Variants in PREP observed in about 807,000 individuals in gnomAD.
The protein encoded by PREP is dJ355L5.1 (prolyl endopeptidase).
Under a neutral mutation model 87.6 loss-of-function variants are expected in PREP, and 29 were observed. The ratio of observed to expected loss-of-function variants is 0.33; its 90% CI spans 0.25 to 0.45. The LOEUF (loss-of-function observed/expected upper bound fraction) is 0.45. Among genes scored for constraint, PREP ranks in the 20% least tolerant of loss-of-function variants. PREP has a pLI of 1.00. For missense variants in PREP, 695 were observed against 886.5 expected, an observed-to-expected ratio of 0.78 and a Z score of 2.74; for synonymous variants, 337 against 328.6, an observed-to-expected ratio of 1.03 and a Z score of -0.28.
intron 2 of PREP, among the ~76,000 whole-genome samples, chr6:105,393,487 C>G (rs527574036): frequency 1.3e-5 from 2 of 152,026 alleles, no homozygotes; most frequent in Non-Finnish European, 2.9e-5. Context: ...TCAGACTGTA[C>G]AAGGCAACAC....
At chr6:105,323,351 C>T (rs543035877) in intron 10 of PREP, among the ~76,000 whole-genome samples, 1 of 152,156 alleles carries the variant, frequency 6.6e-6, no homozygotes, top group South Asian at 2.1e-4. Context: ...TGAGCTAGAA[C>T]ACAAACCATA....
intron 2 of PREP, among the ~76,000 whole-genome samples, chr6:105,390,596 CT>C (rs944381433): frequency 6.6e-6 from 1 of 152,172 alleles, no homozygotes; most frequent in Non-Finnish European, 1.5e-5. Flanking sequence ...GTAAATTTTT[CT>C]TTTGTGTATT....
At chr6:105,381,069 T>A (rs1772824454) in intron 2 of PREP, among the ~76,000 whole-genome samples, 1 of 152,236 alleles carries the variant, frequency 6.6e-6, no homozygotes, top group African/African-American at 2.4e-5. Context: ...GGCATAAAAA[T>A]GCTACCAAAT....
At position 105,323,694 on chromosome 6, in the gene PREP, T is replaced by A; in HGVS notation, c.1288A>T (p.Ile430Phe). Residue 430 changes from isoleucine to phenylalanine, a missense_variant, in exon 10 of 15, where the codon ATT (isoleucine) becomes TTT (phenylalanine). This residue lies in a region of PREP where 517 missense variants were observed against 620.3 expected (regional missense o/e 0.83). Coordinates refer to ENST00000652536, the MANE Select transcript of PREP (RefSeq NM_002726.5). ...ACTGTCTGGTAATCAGAAGCATCAATTCCTTTTACGGTCACCTCTCGGAAA... is the reference window on the plus strand; with the variant it reads ...ACTGTCTGGTAATCAGAAGCATCAAATCCTTTTACGGTCACCTCTCGGAAA... The part of the protein sequence containing the change: ...RVFREVTVKG[I>F]DASDYQTVQI... 6.2e-7 allele frequency: 1 copy of A among 1,612,912 alleles called. No individual in the cohort carries two copies. The highest frequency in any genetic ancestry group is 1.7e-5 in the Admixed American group (1 of 60,022).
intron 2 of PREP, among the ~76,000 whole-genome samples, chr6:105,381,875 T>G (rs1226108142): frequency 6.6e-6 from 1 of 152,178 alleles, no homozygotes; most frequent in Non-Finnish European, 1.5e-5. Flanking sequence ...AGCTGTCATG[T>G]GAAGTGTTCG....
intron 9 of PREP, among the ~76,000 whole-genome samples, chr6:105,328,404 C>T (rs537343955): frequency 3.3e-5 from 5 of 151,972 alleles, no homozygotes; most frequent in South Asian, 2.1e-4. Context: ...ACTATAGGCA[C>T]GCGCCACCAT....
Position 105,353,502 on chromosome 6 carries a change from G to A in PREP, c.718-425C>T, listed in dbSNP as rs557045000. 2.0e-5 allele frequency among the ~76,000 whole-genome samples: 3 copies of A among 152,078 alleles called. No homozygotes were observed. The South Asian group carries it at 6.2e-4, about 32-fold the overall frequency. ...TTAGCAAAATGGGGCCGGGCGCAGTGGTTCACGCCTGTAATCCCAGCACTT... is the reference window on the plus strand; with the variant it reads ...TTAGCAAAATGGGGCCGGGCGCAGTAGTTCACGCCTGTAATCCCAGCACTT... On this transcript the variant is annotated intron_variant, in intron 6 of 14. Transcript: ENST00000652536.
At chr6:105,329,155 ATT>A (rs11345908) in intron 8 of PREP, 129 bp from the exon 9 acceptor site, 19,435 of 697,562 alleles carry the variant, frequency 0.028, 47 homozygotes, top group African/African-American at 0.054. Context: ...TCACTTTTAC[ATT>A]TTTTTTTTTT....
rs147103031 is a variant in PREP, at chr6:105,281,892, T to C, written c.1692A>G (p.Ala564=). 1.2e-4 allele frequency: 198 copies of C among 1,613,512 alleles called. No homozygotes were observed. In the African/African-American group the frequency reaches 2.4e-3, roughly 20 times the overall value. The part of the protein sequence containing the change: ...SNGGLLVAAC[A]NQRPDLFGCV... ...AACCAAAGAGGTCAGGTCTCTGATT[T>C]GCACAAGCAGCTAAAAGCCCAACGT... is the stretch of plus-strand genomic sequence containing the variant. The change falls in exon 14 of 15, where the codon GCA becomes GCG. Residue 564 remains alanine (A), a synonymous_variant. Transcript: ENST00000652536.
At chr6:105,285,351 T>C in intron 12 of PREP, 135 bp downstream of exon 12, 3 of 717,442 alleles carry the variant, frequency 4.2e-6, no homozygotes, top group Non-Finnish European at 6.9e-6. Flanking sequence ...TGTCTGATAA[T>C]ATCCTTGTTT....
chr6:105,353,109 T>C, intron 6 of PREP, 32 bp from the exon 7 acceptor site: 1 of 1,477,990 alleles, frequency 6.8e-7, no homozygotes, highest in Non-Finnish European at 9.4e-7. Context: ...TGCAGGGGAC[T>C]AATTAGAATT....
intron 10 of PREP, among the ~76,000 whole-genome samples, chr6:105,292,066 T>C (rs1358899085): frequency 6.6e-6 from 1 of 152,178 alleles, no homozygotes; most frequent in Non-Finnish European, 1.5e-5. Flanking sequence ...ACTTCCTCCT[T>C]TGAAATCTTG....
intron 7 of PREP, among the ~76,000 whole-genome samples, chr6:105,351,420 A>G (rs1771949580): frequency 6.6e-6 from 1 of 151,322 alleles, no homozygotes; most frequent in East Asian, 1.9e-4. Flanking sequence ...TTCCTTTTGG[A>G]ATCCCAATCT....
At chr6:105,327,205 GT>G (rs766691234) in intron 9 of PREP, among the ~76,000 whole-genome samples, 1 of 152,132 alleles carries the variant, frequency 6.6e-6, no homozygotes, top group Non-Finnish European at 1.5e-5. Context: ...GAAATTAACT[GT>G]GGGCCCTGCA....
At chr6:105,334,115 TC>T (rs1562204157) in intron 7 of PREP, among the ~76,000 whole-genome samples, 2 of 152,238 alleles carry the variant, frequency 1.3e-5, no homozygotes, top group African/African-American at 4.8e-5. Context: ...CTTCCCACTG[TC>T]ACTCTTGATT....
Position 105,373,565 on chromosome 6 carries a change from G to A in PREP, c.399C>T (p.Ser133=), listed in dbSNP as rs528226783. The change falls in exon 5 of 15, where the codon AGC becomes AGT. Residue 133 remains serine, a synonymous_variant. Transcript: ENST00000652536. ...GTVALRGYAF[S]EDGEYFAYGL... is the part of the protein sequence containing the mutation. ...CATAGGCAAAATATTCACCATCTTC[G>A]CTGAACGCATAACCTATGGGACACA... 189 of 1,613,862 alleles carry A rather than the reference G, an allele frequency of 1.2e-4. No homozygotes were observed. Among genetic ancestry groups the A allele is most frequent in the Non-Finnish European group, 1.4e-4 (171 of 1,179,934 alleles).
chr6:105,352,521 TTTTG>T (rs2114683345), intron 7 of PREP, among the ~76,000 whole-genome samples: 1 of 152,262 alleles, frequency 6.6e-6, no homozygotes, highest in African/African-American at 2.4e-5. Flanking sequence ...ATTACGCCTT[TTTTG>T]TTTATTTTAA....
chr6:105,277,903 T>C lies in PREP; in HGVS notation c.*241A>G. On this transcript the variant is annotated 3_prime_UTR_variant, in exon 15 of 15. Transcript: ENST00000652536. ...TTAGCTATTTATCCCAACATGCCCT[T>C]AAAAAAAACACCAAAAAACCACATG... The C allele has an allele frequency of 1.8e-6, 1 of 555,580 alleles. No homozygotes were observed. The highest frequency in any genetic ancestry group is 3.1e-6 in the Non-Finnish European group (1 of 319,252). 34.4% of individuals were successfully genotyped at this position (555,580 alleles called of 1,614,324 possible).
chr6:105,341,082 T>C (rs140513638), intron 7 of PREP, among the ~76,000 whole-genome samples: 79 of 152,336 alleles, frequency 5.2e-4, no homozygotes, highest in African/African-American at 1.8e-3. Context: ...ATCAACAGAA[T>C]ATAAATTCTT....
Sources: gnomAD v4.1 joint callset for allele counts (sites outside exome capture counted in the v4.1 genomes callset) on GRCh38, gnomAD v4.1.1 for gene constraint, gnomAD v4.1.1 regional missense constraint, MANE v1.5 for transcripts, NCBI Gene and HGNC (gene_info 2026-07-23, HGNC 2026-07-21) for gene names.